Variants in STMN2 observed in about 807,000 individuals in gnomAD.
The protein encoded by STMN2 is stathmin-2.
A neutral mutation model predicts 24.1 loss-of-function variants in STMN2; 2 were observed. The observed-to-expected ratio is 0.08, with a 90% CI of 0.03 to 0.26. The LOEUF (loss-of-function observed/expected upper bound fraction) is 0.26, where lower values mean the gene tolerates loss of function less well. Among genes scored for constraint, STMN2 ranks in the 10% least tolerant of loss-of-function variants. The pLI is 1.00. For synonymous variants in STMN2, 83 were observed against 77.5 expected, an observed-to-expected ratio of 1.07 and a Z score of -0.37; for missense variants, 114 against 213.6, an observed-to-expected ratio of 0.53 and a Z score of 2.91.
In STMN2 at chr8:79,636,913, T is replaced by C. The variant is rs376258117; in HGVS notation, c.115+16T>C. On this transcript the variant is annotated intron_variant, in intron 2 of 4. Transcript: ENST00000220876. ...ACTTACGATGGTGAGTAACCTAGGA[T>C]AGACATACCCCTGCTAGCTAGATCA... 6.2e-7 allele frequency: 1 copy of C among 1,608,600 alleles called. No individual in the cohort carries two copies. Among genetic ancestry groups the C allele is most frequent in the Non-Finnish European group, 8.5e-7 (1 of 1,175,292 alleles).
intron 1 of STMN2, among the ~76,000 whole-genome samples, chr8:79,630,390 G>C (rs939480595): frequency 3.3e-5 from 5 of 152,126 alleles, no homozygotes; most frequent in African/African-American, 1.2e-4. Flanking sequence ...GTCATAGTCA[G>C]GCTAAATTCA....
intron 1 of STMN2, among the ~76,000 whole-genome samples, chr8:79,631,785 G>C (rs953459604): frequency 6.6e-6 from 1 of 152,142 alleles, no homozygotes; most frequent in Non-Finnish European, 1.5e-5. Context: ...GAGTTATAGT[G>C]CCCCAAAGTA....
intron 1 of STMN2, among the ~76,000 whole-genome samples, chr8:79,632,174 ACAGG>A (rs1809816332): frequency 6.6e-6 from 1 of 152,208 alleles, no homozygotes; most frequent in South Asian, 2.1e-4. Flanking sequence ...CCTGGAAATG[ACAGG>A]GGTTTTTTTC....
intron 1 of STMN2, chr8:79,613,481 G>T: frequency 1.0e-6 from 1 of 985,492 alleles, no homozygotes; most frequent in South Asian, 4.7e-5. Flanking sequence ...CAGTTCACTC[G>T]CACGTCCAGA....
Position 79,664,900 on chromosome 8 carries a change from A to G in STMN2, c.*26A>G. ...AGCAAGGGAGGGTCTGGCACGCCCC[A>G]CCAATAGTAAATCCCCCTGCCTATA... On this transcript the variant is annotated 3_prime_UTR_variant, in exon 5 of 5. Transcript: ENST00000220876. 2 of 1,608,920 alleles carry G rather than the reference A, an allele frequency of 1.2e-6. No individual in the cohort carries two copies. Among genetic ancestry groups the G allele is most frequent in the Non-Finnish European group, 1.7e-6 (2 of 1,177,278 alleles).
intron 4 of STMN2, among the ~76,000 whole-genome samples, chr8:79,660,849 T>C (rs763339429): frequency 6.6e-6 from 1 of 151,992 alleles, no homozygotes; most frequent in African/African-American, 2.4e-5. Flanking sequence ...ATATCACTCT[T>C]ATATCTTTGC....
intron 2 of STMN2, among the ~76,000 whole-genome samples, chr8:79,637,741 A>G (rs1035193005): frequency 2.6e-5 from 4 of 152,184 alleles, no homozygotes; most frequent in Admixed American, 1.3e-4. Flanking sequence ...ATACAGTTCT[A>G]TGTATCCTAG....
chr8:79,643,067 G>T (rs932729995), intron 3 of STMN2, among the ~76,000 whole-genome samples: 2 of 145,736 alleles, frequency 1.4e-5, no homozygotes, highest in African/African-American at 5.0e-5. Context: ...TATTAATATT[G>T]TATATATGCC....
At chr8:79,657,639 T>C (rs3793382) in intron 4 of STMN2, among the ~76,000 whole-genome samples, 12,144 of 152,270 alleles carry the variant, frequency 0.08, 547 homozygotes, top group South Asian at 0.12. Context: ...TTTTTTCTGG[T>C]ATTTCATAGC....
chr8:79,615,712 G>T (rs974718946), intron 1 of STMN2, among the ~76,000 whole-genome samples: 1 of 152,130 alleles, frequency 6.6e-6, no homozygotes, highest in Non-Finnish European at 1.5e-5. Context: ...GAACATTCAA[G>T]TGTTTATTCA....
At chr8:79,636,448 C>T (rs746501676) in intron 1 of STMN2, among the ~76,000 whole-genome samples, 23 of 152,010 alleles carry the variant, frequency 1.5e-4, no homozygotes, top group Non-Finnish European at 3.1e-4. Flanking sequence ...CTAGAATGAG[C>T]CTCTCTCTCT....
At chr8:79,634,535 C>T (rs1367523633) in intron 1 of STMN2, among the ~76,000 whole-genome samples, 1 of 152,144 alleles carries the variant, frequency 6.6e-6, no homozygotes, top group Admixed American at 6.5e-5. Context: ...GATCATTGCA[C>T]CTGTTAACAC....
chr8:79,651,003 C>T (rs563454847), intron 3 of STMN2, among the ~76,000 whole-genome samples: 26 of 152,270 alleles, frequency 1.7e-4, no homozygotes, highest in Non-Finnish European at 3.5e-4. Flanking sequence ...ATAAGTATTT[C>T]CTTGGGATAG....
intron 1 of STMN2, among the ~76,000 whole-genome samples, chr8:79,626,215 G>A (rs554757378): frequency 3.3e-5 from 5 of 152,120 alleles, no homozygotes; most frequent in Admixed American, 1.3e-4. Context: ...CTTACCCTGG[G>A]GTAGCTAACA....
chr8:79,641,302 C>T (rs2130358832), intron 2 of STMN2, 76 bp from the exon 3 acceptor site: 1 of 1,486,418 alleles, frequency 6.7e-7, no homozygotes, highest in Non-Finnish European at 9.1e-7. Flanking sequence ...CTTCCAATTG[C>T]TGGAATCTAA....
chr8:79,616,907 G>C (rs1030547261), intron 1 of STMN2, among the ~76,000 whole-genome samples: 6 of 152,190 alleles, frequency 3.9e-5, no homozygotes, highest in African/African-American at 1.2e-4. Context: ...GCGAGAGAGA[G>C]AGACAGACAG....
chr8:79,616,600 C>T (rs1473895665), intron 1 of STMN2, among the ~76,000 whole-genome samples: 2 of 152,172 alleles, frequency 1.3e-5, no homozygotes, highest in African/African-American at 2.4e-5. Flanking sequence ...CTGATTCTGA[C>T]CACTAAACAC....
chr8:79,639,324 TA>T (rs1203289637), intron 2 of STMN2, among the ~76,000 whole-genome samples: 1 of 152,154 alleles, frequency 6.6e-6, no homozygotes, highest in Non-Finnish European at 1.5e-5. Context: ...AAATGGAACA[TA>T]ACTGTTTTCA....
At chr8:79,635,949 G>A (rs1809938466) in intron 1 of STMN2, among the ~76,000 whole-genome samples, 1 of 152,020 alleles carries the variant, frequency 6.6e-6, no homozygotes, top group Admixed American at 6.6e-5. Flanking sequence ...GGAAATAGAG[G>A]CTCACACCTG....
Sources: gnomAD v4.1 joint callset for allele counts (sites outside exome capture counted in the v4.1 genomes callset) on GRCh38, gnomAD v4.1.1 for gene constraint, MANE v1.5 for transcripts, NCBI Gene and HGNC (gene_info 2026-07-23, HGNC 2026-07-21) for gene names.